The following GLI3 variants were observed in gnomAD, a reference collection of about 807,000 sequenced individuals.
GLI3 encodes GLI family zinc finger 3, also known as transcription activator GLI3.
In GLI3, 20 loss-of-function variants were observed where a neutral mutation model predicts 100.8. The ratio of observed to expected loss-of-function variants is 0.20; its 90% CI spans 0.14 to 0.29. The LOEUF (loss-of-function observed/expected upper bound fraction) is 0.29, where lower values mean the gene tolerates loss of function less well. Among genes scored for constraint, GLI3 ranks in the 10% least tolerant of loss-of-function variants. GLI3 has a pLI of 1.00. For missense variants in GLI3, 2,040 were observed against 2,128.5 expected, an observed-to-expected ratio of 0.96 and a Z score of 0.82; for synonymous variants, 938 against 860.5, an observed-to-expected ratio of 1.09 and a Z score of -1.58.
intron 10 of GLI3, among the ~76,000 whole-genome samples, chr7:41,985,912 C>T (rs1406297508): frequency 6.6e-6 from 1 of 152,150 alleles, no homozygotes; most frequent in Non-Finnish European, 1.5e-5. Flanking sequence ...GTTTTGGTGG[C>T]ACCCATCAAT....
At chr7:42,153,285 G>A (rs1327771498) in intron 2 of GLI3, among the ~76,000 whole-genome samples, 1 of 152,074 alleles carries the variant, frequency 6.6e-6, no homozygotes, top group Non-Finnish European at 1.5e-5. Context: ...CCTATTTCTG[G>A]TATTTCGGAA....
intron 10 of GLI3, among the ~76,000 whole-genome samples, chr7:41,998,678 G>A (rs1257494462): frequency 6.6e-6 from 1 of 152,124 alleles, no homozygotes; most frequent in African/African-American, 2.4e-5. Context: ...GTTAACATTG[G>A]CTCAGTACAA....
At chr7:42,086,908 C>T (rs1022233305) in intron 3 of GLI3, among the ~76,000 whole-genome samples, 4 of 152,158 alleles carry the variant, frequency 2.6e-5, no homozygotes, top group Non-Finnish European at 5.9e-5. Context: ...AGAGCTTATA[C>T]CAACACAGCC....
intron 3 of GLI3, among the ~76,000 whole-genome samples, chr7:42,095,107 T>A (rs546301492): frequency 2.0e-5 from 3 of 152,208 alleles, no homozygotes; most frequent in Admixed American, 6.5e-5. Context: ...TGGTGACTCC[T>A]AAGCAGCTCA....
rs1554337034 is a variant in GLI3, at chr7:42,182,660, A to ATATATATATATATATACATGTGTG, written c.125-34193_125-34192insCACACATGTATATATATATATATA. On this transcript the variant is annotated intron_variant, in intron 2 of 14. Coordinates refer to ENST00000395925, the MANE Select transcript of GLI3 (RefSeq NM_000168.6). ...TATGTGTGTGTATATATATATATAT[A>ATATATATATATATATACATGTGTG]TATATATATATATATATATATACAC... Among the ~76,000 whole-genome samples, 16 of 59,088 alleles carry ATATATATATATATATACATGTGTG rather than the reference A, an allele frequency of 2.7e-4. No homozygotes were observed. The South Asian group carries it at 2.9e-3, about 11-fold the overall frequency. 38.8% of individuals were successfully genotyped at this position (59,088 alleles called of 152,430 possible). A position where few individuals can be genotyped will look rare whatever the true frequency, so the allele number is the denominator to read the frequency against.
At position 41,964,334 on chromosome 7, in the gene GLI3, T is replaced by C; in HGVS notation, c.4739A>G (p.Gln1580Arg). Residue 1580 changes from glutamine to arginine, a missense_variant, in exon 15 of 15, where the codon CAA becomes CGA. By Grantham distance (43) the Gln-to-Arg change is conservative. Around this residue, in one of 5 missense-constraint regions of GLI3, gnomAD observed 1,041 missense variants for 924.0 expected, o/e 1.13. Coordinates refer to ENST00000395925, the MANE Select transcript of GLI3 (RefSeq NM_000168.6). ...AEESKFLAVM[Q>R] ...GCAGTCTTTTTTTCCTAAAGCCTAT[T>C]GCATAACTGCAAGGAATTTGCTTTC... 5 of 1,614,000 alleles carry C rather than the reference T, an allele frequency of 3.1e-6. No individual in the cohort carries two copies. Among genetic ancestry groups the C allele is most frequent in the Non-Finnish European group, 4.2e-6 (5 of 1,179,850 alleles).
At chr7:42,232,591 CA>C (rs1788714524) in intron 1 of GLI3, among the ~76,000 whole-genome samples, 1 of 152,192 alleles carries the variant, frequency 6.6e-6, no homozygotes, top group Non-Finnish European at 1.5e-5. Context: ...CCTTTAAGCA[CA>C]AAACTGGCTA....
intron 10 of GLI3, among the ~76,000 whole-genome samples, chr7:41,988,883 A>T (rs528550182): frequency 2.6e-5 from 4 of 152,312 alleles, no homozygotes; most frequent in African/African-American, 9.6e-5. Flanking sequence ...GGCTTCTCTT[A>T]CCATCCAGTA....
intron 1 of GLI3, among the ~76,000 whole-genome samples, chr7:42,233,617 C>A (rs1788735765): frequency 6.6e-6 from 1 of 152,168 alleles, no homozygotes; most frequent in African/African-American, 2.4e-5. Context: ...AAAGTCTTCG[C>A]CAGTCTACAG....
chr7:42,179,939 C>G (rs927430063), intron 2 of GLI3, among the ~76,000 whole-genome samples: 1 of 152,172 alleles, frequency 6.6e-6, no homozygotes, highest in Admixed American at 6.5e-5. Context: ...GCAGCTGATA[C>G]ACAAGTGTGA....
At chr7:42,144,420 T>C (rs1786651401) in intron 3 of GLI3, among the ~76,000 whole-genome samples, 2 of 152,186 alleles carry the variant, frequency 1.3e-5, no homozygotes, top group South Asian at 4.1e-4. Context: ...TGCGCCTTGA[T>C]ATACAGCCCG....
rs191911654 is a variant in GLI3, at chr7:42,171,160, A to T, written c.125-22692T>A. ...AGTGTTAGATTCAAAGCTAGACTTG[A>T]TTGCAAAAATTTTCAAGATTGTTCA... On this transcript the variant is annotated intron_variant, in intron 2 of 14. Coordinates refer to ENST00000395925, the MANE Select transcript of GLI3 (RefSeq NM_000168.6). Among the ~76,000 whole-genome samples the T allele has an allele frequency of 2.3e-3, 352 of 152,316 alleles. 1 individual carries two copies. The highest frequency in any genetic ancestry group is 3.7e-3 in the Admixed American group (56 of 15,308).
intron 2 of GLI3, among the ~76,000 whole-genome samples, chr7:42,188,239 A>G (rs1165117650): frequency 6.6e-6 from 1 of 152,110 alleles, no homozygotes; most frequent in African/African-American, 2.4e-5. Flanking sequence ...AACTGGAGAG[A>G]GTAAAACCAC....
At chr7:42,203,731 G>A (rs886245815) in intron 2 of GLI3, among the ~76,000 whole-genome samples, 2 of 152,130 alleles carry the variant, frequency 1.3e-5, no homozygotes. Flanking sequence ...TGACATGGTG[G>A]CTCATGCCTG....
At chr7:41,995,464 C>A (rs577194501) in intron 10 of GLI3, among the ~76,000 whole-genome samples, 1 of 152,082 alleles carries the variant, frequency 6.6e-6, no homozygotes, top group Non-Finnish European at 1.5e-5. Flanking sequence ...TCATCTCCCA[C>A]AGGAGGGTTT....
chr7:41,967,632 G>A lies in GLI3; in HGVS notation c.2395C>T (p.Pro799Ser), dbSNP rs747717830. The change falls in exon 14 of 15, where the codon CCT (proline) becomes TCT (serine). Residue 799 changes from proline (P) to serine (S), a missense_variant. Physicochemically the swap from Pro to Ser is moderately conservative, Grantham distance 74. Transcript: ENST00000395925. ...AGAGGAGAGACCGCAGGGGCTTTAG[G>A]GGGTAGAATGGGGTTCAGTCGCGGA... Reference protein sequence around the residue: ...MFPRLNPILPPKAPAVSPLIG... With the variant: ...MFPRLNPILPSKAPAVSPLIG... 6.2e-7 allele frequency: 1 copy of A among 1,613,852 alleles called. No homozygotes were observed. Among genetic ancestry groups the A allele is most frequent in the Admixed American group, 1.7e-5 (1 of 60,026 alleles).
At position 42,091,874 on chromosome 7, in the gene GLI3, G is replaced by A. The variant is rs1039363855; in HGVS notation, c.368-15017C>T. Among the ~76,000 whole-genome samples, 10 of 152,318 alleles carry A rather than the reference G, an allele frequency of 6.6e-5. No individual in the cohort carries two copies. In the East Asian group the frequency reaches 1.2e-3, roughly 18 times the overall value. ...CATGGCTTATTTGAATGTCTTCAAC[G>A]TTTACTTTAGTCCCCAGTTAAATAC... On this transcript the variant is annotated intron_variant, in intron 3 of 14. Coordinates refer to ENST00000395925, the MANE Select transcript of GLI3 (RefSeq NM_000168.6).
intron 3 of GLI3, among the ~76,000 whole-genome samples, chr7:42,108,765 C>A (rs1785635378): frequency 1.3e-5 from 2 of 152,110 alleles, no homozygotes. Flanking sequence ...AGTGAAGCTG[C>A]CCTAAAATGG....
At chr7:42,207,692 G>A (rs1485530667) in intron 2 of GLI3, among the ~76,000 whole-genome samples, 2 of 152,124 alleles carry the variant, frequency 1.3e-5, no homozygotes, top group African/African-American at 2.4e-5. Context: ...GGAGAAGAGT[G>A]GTTCATGACA....
Sources: allele counts gnomAD v4.1 joint callset (sites outside exome capture counted in the v4.1 genomes callset), GRCh38; gene constraint gnomAD v4.1.1; regional missense constraint gnomAD v4.1.1; transcripts MANE v1.5; gene names NCBI Gene and HGNC (gene_info 2026-07-23, HGNC 2026-07-21).